TNRC18: variants seen among roughly 807,000 people sequenced by gnomAD.
TNRC18 encodes the protein trinucleotide repeat-containing gene 18 protein.
TNRC18 carries 69 observed loss-of-function variants against 226.7 expected under a neutral mutation model. That is an observed-to-expected ratio of 0.30 (90% CI 0.25 to 0.37). The LOEUF is 0.37. TNRC18 is among the 10% of genes least tolerant of loss of function. The pLI is 1.00. For missense variants in TNRC18, 4,754 were observed against 4,256.6 expected, an observed-to-expected ratio of 1.12 and a Z score of -3.25; for synonymous variants, 2,449 against 1,927.6, an observed-to-expected ratio of 1.27 and a Z score of -7.09.
intron 18 of TNRC18, among the ~76,000 whole-genome samples, chr7:5,337,438 C>G (rs909415367): frequency 6.6e-6 from 1 of 150,896 alleles, no homozygotes; most frequent in Admixed American, 6.6e-5. Context: ...AAGTCAAGAT[C>G]GCGCCATTGC....
intron 18 of TNRC18, 44 bp downstream of exon 18, chr7:5,345,518 C>CGGGG: frequency 2.4e-5 from 4 of 167,664 alleles, no homozygotes; most frequent in East Asian, 2.0e-4. Flanking sequence ...ATGGCGTCCG[C>CGGGG]CCCTCCCACC....
chr7:5,329,910 T>C (rs1382593131), intron 19 of TNRC18: 7 of 471,038 alleles, frequency 1.5e-5, no homozygotes, highest in Non-Finnish European at 3.1e-5. Context: ...CCAGCTATTA[T>C]ATCCAGCTAT....
At chr7:5,405,530 C>CTTTT (rs1781406083) in intron 2 of TNRC18, among the ~76,000 whole-genome samples, 1 of 152,130 alleles carries the variant, frequency 6.6e-6, no homozygotes, top group African/African-American at 2.4e-5. Flanking sequence ...GATTGTGCCA[C>CTTTT]GGCACTCCAG....
At chr7:5,308,775 G>A (rs1309514292) in intron 29 of TNRC18, 100 bp downstream of exon 29, 2 of 1,331,940 alleles carry the variant, frequency 1.5e-6, no homozygotes, top group Middle Eastern at 2.6e-4. Flanking sequence ...GGGAGACCAT[G>A]GGGGACAGAG....
Position 5,388,895 on chromosome 7 carries a change from C to T in TNRC18, c.929G>A (p.Arg310Gln), listed in dbSNP as rs1051056825. ...AGRGGAKEAARQDEGARLLRR... is the reference protein window; with the variant it reads ...AGRGGAKEAAQQDEGARLLRR... The stretch of plus-strand genomic sequence containing the variant: ...CAGCAGCCGCGCGCCCTCGTCCTGC[C>T]GGGCAGCCTCCTTGGCACCCCCGCG... The change falls in exon 5 of 30, where the codon CGG becomes CAG. Residue 310 changes from arginine to glutamine, a missense_variant. By Grantham distance (43) the Arg-to-Gln change is conservative. Coordinates refer to ENST00000430969, the MANE Select transcript of TNRC18 (RefSeq NM_001080495.3). The T allele has an allele frequency of 7.4e-7, 1 of 1,356,640 alleles. No individual in the cohort carries two copies. The highest frequency in any genetic ancestry group is 9.5e-7 in the Non-Finnish European group (1 of 1,050,688). 84.0% of individuals were successfully genotyped at this position (1,356,640 alleles called of 1,614,324 possible).
chr7:5,324,859 T>C lies in TNRC18; in HGVS notation c.6300+237A>G, dbSNP rs1444728193. On this transcript the variant is annotated intron_variant, in intron 20 of 29. Coordinates refer to ENST00000430969, the MANE Select transcript of TNRC18 (RefSeq NM_001080495.3). This position sits in a 1 kb window ranked among gnomAD's most constrained non-coding sequence, Gnocchi z 4.8. ...TGTCACCCAGGTCTCCTGGTCTCTGTTCCAGTGTCCCTCGCCCCCGCTAGA... is the reference window on the plus strand; with the variant it reads ...TGTCACCCAGGTCTCCTGGTCTCTGCTCCAGTGTCCCTCGCCCCCGCTAGA... Among the ~76,000 whole-genome samples, 1 of 152,146 alleles carries C rather than the reference T, an allele frequency of 6.6e-6. No homozygotes were observed. The highest frequency in any genetic ancestry group is 1.9e-4 in the East Asian group (1 of 5,180).
chr7:5,399,568 T>C (rs1355335302), intron 2 of TNRC18, among the ~76,000 whole-genome samples: 1 of 151,760 alleles, frequency 6.6e-6, no homozygotes, highest in Non-Finnish European at 1.5e-5. Flanking sequence ...TAGCCGGGCG[T>C]GGTGGCACAC....
intron 11 of TNRC18, among the ~76,000 whole-genome samples, chr7:5,363,683 G>A (rs912905024): frequency 3.0e-4 from 45 of 152,156 alleles, no homozygotes; most frequent in African/African-American, 1.1e-3. Context: ...ACAGAGTACA[G>A]GCTAGGCACA....
rs1255422977 is a variant in TNRC18, at chr7:5,306,939, A to G, written c.*1167T>C. 6.6e-6 allele frequency: 1 copy of G among 150,736 alleles called. No individual in the cohort carries two copies. Among genetic ancestry groups the G allele is most frequent in the Non-Finnish European group, 1.5e-5 (1 of 67,848 alleles). 9.3% of individuals were successfully genotyped at this position (150,736 alleles called of 1,614,324 possible). A position where few individuals can be genotyped will look rare whatever the true frequency, so the allele number is the denominator to read the frequency against. Reference sequence around the variant, plus strand: ...CCAAAGTCTGGCTTTTCCTTCCCTCAAGATTGTCTGGTTGAGGCCTTGGTT... The same window carrying G: ...CCAAAGTCTGGCTTTTCCTTCCCTCGAGATTGTCTGGTTGAGGCCTTGGTT... On this transcript the variant is annotated 3_prime_UTR_variant, in exon 30 of 30. Transcript: ENST00000430969.
chr7:5,414,964 C>T (rs1782083978), intron 2 of TNRC18, among the ~76,000 whole-genome samples: 2 of 152,322 alleles, frequency 1.3e-5, no homozygotes, highest in Middle Eastern at 3.4e-3. Flanking sequence ...AACAGTTCTC[C>T]GCCTTCCTCT....
rs754561864 is a variant in TNRC18, at chr7:5,370,895, C to G, written c.3699G>C (p.Pro1233=). ...VEGPEPRVDS[P]GRTEPCTAAL... Reference sequence around the variant, plus strand: ...CGGCGGTGCAGGGTTCTGTCCGGCCCGGGGAATCCACCCGTGGTTCAGGCC... The same window carrying G: ...CGGCGGTGCAGGGTTCTGTCCGGCCGGGGGAATCCACCCGTGGTTCAGGCC... The change falls in exon 11 of 30, where the codon CCG becomes CCC. Residue 1233 remains proline, a synonymous_variant. Transcript: ENST00000430969. 6.2e-7 allele frequency: 1 copy of G among 1,606,672 alleles called. No homozygotes were observed. The highest frequency in any genetic ancestry group is 1.7e-5 in the Admixed American group (1 of 60,012).
intron 18 of TNRC18, among the ~76,000 whole-genome samples, chr7:5,344,640 G>T (rs1790987465): frequency 6.6e-6 from 1 of 152,172 alleles, no homozygotes; most frequent in African/African-American, 2.4e-5. Context: ...CCTAGCCCCT[G>T]CCAGGAGAGC....
At chr7:5,336,788 T>TA (rs1333218674) in intron 18 of TNRC18, among the ~76,000 whole-genome samples, 13 of 152,020 alleles carry the variant, frequency 8.6e-5, no homozygotes, top group African/African-American at 3.1e-4. Context: ...ATTTCAGAAA[T>TA]AAAAAATCCA....
At chr7:5,401,842 C>T (rs1781113703) in intron 2 of TNRC18, among the ~76,000 whole-genome samples, 1 of 152,134 alleles carries the variant, frequency 6.6e-6, no homozygotes, top group Non-Finnish European at 1.5e-5. Flanking sequence ...AATCTCAACA[C>T]TTTGGAAGGC....
At chr7:5,332,497 G>C in intron 19 of TNRC18, 125 bp downstream of exon 19, 4 of 1,114,166 alleles carry the variant, frequency 3.6e-6, no homozygotes, top group Non-Finnish European at 2.4e-6. Flanking sequence ...CTCCGGGCGG[G>C]CCTGGAGCCG....
At chr7:5,411,954 G>T (rs1781869934) in intron 2 of TNRC18, among the ~76,000 whole-genome samples, 1 of 152,140 alleles carries the variant, frequency 6.6e-6, no homozygotes, top group South Asian at 2.1e-4. Flanking sequence ...GGAAGTCCAG[G>T]CAAGAGGATT....
At chr7:5,342,710 T>G (rs545774360) in intron 18 of TNRC18, among the ~76,000 whole-genome samples, 1 of 152,304 alleles carries the variant, frequency 6.6e-6, no homozygotes, top group East Asian at 1.9e-4. Context: ...ACAAAGGATT[T>G]AGAATATTGC....
At position 5,387,754 on chromosome 7, in the gene TNRC18, C is replaced by G; in HGVS notation, c.2070G>C (p.Arg690=). 1 of 1,607,602 alleles carries G rather than the reference C, an allele frequency of 6.2e-7. No individual in the cohort carries two copies. Among genetic ancestry groups the G allele is most frequent in the Non-Finnish European group, 8.5e-7 (1 of 1,179,802 alleles). ...GGCCACTGCCGCCACTGTCCTTCTG[C>G]CGGGCCACAGCCACTGCAATGCCCA... ...PPVGIAVAVA[R]QKDSGGSGRL... The change falls in exon 5 of 30, where the codon CGG becomes CGC. Residue 690 remains arginine (R), a synonymous_variant. Transcript: ENST00000430969.
At position 5,348,319 on chromosome 7, in the gene TNRC18, G is replaced by T. The variant is rs1380621702; in HGVS notation, c.5471-2509C>A. 3.3e-5 allele frequency among the ~76,000 whole-genome samples: 5 copies of T among 152,190 alleles called. No homozygotes were observed. The East Asian group carries it at 7.7e-4, about 23-fold the overall frequency. ...TCACGGACCAGAGTGCTGGGAGCGG[G>T]AAAGTGACTCTAGGGGCCGCAGGGC... On this transcript the variant is annotated intron_variant, in intron 17 of 29. Transcript: ENST00000430969.
Sources: allele counts gnomAD v4.1 joint callset (sites outside exome capture counted in the v4.1 genomes callset), GRCh38; gene constraint gnomAD v4.1.1; non-coding constraint Gnocchi (gnomAD v3.1); transcripts MANE v1.5; gene names NCBI Gene and HGNC (gene_info 2026-07-23, HGNC 2026-07-21).